The following HNF1B variants were observed in gnomAD, a reference collection of about 807,000 sequenced individuals.
HNF1B encodes hepatocyte nuclear factor 1-beta.
A neutral mutation model predicts 61.7 loss-of-function variants in HNF1B; 8 were observed. The observed-to-expected ratio is 0.13, with a 90% CI of 0.08 to 0.23. The LOEUF (loss-of-function observed/expected upper bound fraction) is 0.23, where lower values mean the gene tolerates loss of function less well. HNF1B is among the 10% of genes least tolerant of loss of function. HNF1B has a pLI of 1.00. For missense variants in HNF1B, 562 were observed against 714.5 expected, an observed-to-expected ratio of 0.79 and a Z score of 2.43; for synonymous variants, 314 against 287.7, an observed-to-expected ratio of 1.09 and a Z score of -0.93.
chr17:37,708,603 C>T (rs2032829322), intron 5 of HNF1B, among the ~76,000 whole-genome samples: 1 of 152,232 alleles, frequency 6.6e-6, no homozygotes, highest in Non-Finnish European at 1.5e-5. Flanking sequence ...TTCCGTAAGG[C>T]ACCCTTCTCC....
chr17:37,695,479 C>T (rs1329750980), intron 8 of HNF1B, among the ~76,000 whole-genome samples: 1 of 152,226 alleles, frequency 6.6e-6, no homozygotes, highest in Non-Finnish European at 1.5e-5. Context: ...CCCCACCCGC[C>T]CCACACACAG....
At chr17:37,743,403 C>T (rs2034061895) in intron 1 of HNF1B, among the ~76,000 whole-genome samples, 1 of 152,254 alleles carries the variant, frequency 6.6e-6, no homozygotes, top group Non-Finnish European at 1.5e-5. Flanking sequence ...AACCTCAAAC[C>T]TATGAATTAT....
At chr17:37,738,730 G>GA (rs902450896) in intron 2 of HNF1B, among the ~76,000 whole-genome samples, 1 of 152,064 alleles carries the variant, frequency 6.6e-6, no homozygotes, top group Non-Finnish European at 1.5e-5. Context: ...TCTTGGGACA[G>GA]AAAAAAAACT....
intron 8 of HNF1B, among the ~76,000 whole-genome samples, chr17:37,691,443 G>A (rs939493769): frequency 6.6e-6 from 1 of 152,144 alleles, no homozygotes; most frequent in East Asian, 1.9e-4. Flanking sequence ...CCCTATGTAA[G>A]AGCACTTCTT....
intron 4 of HNF1B, among the ~76,000 whole-genome samples, chr17:37,728,073 C>T (rs2033562152): frequency 6.6e-6 from 1 of 151,992 alleles, no homozygotes. Context: ...CGGCTCACTG[C>T]AACCTCCACT....
At chr17:37,727,103 TTCC>T (rs369014886) in intron 4 of HNF1B, among the ~76,000 whole-genome samples, 15 of 152,002 alleles carry the variant, frequency 9.9e-5, no homozygotes, top group African/African-American at 2.7e-4. Context: ...CCGCGCCAAC[TTCC>T]TCCTCCTCCT....
intron 4 of HNF1B, chr17:37,730,554 T>C (rs45595039): frequency 0.018 from 2,788 of 151,924 alleles, 28 homozygotes; most frequent in Non-Finnish European, 0.031. Context: ...ACCCAGCTGA[T>C]GGCTCCGAGC....
chr17:37,689,999 G>A (rs1438882743), intron 8 of HNF1B, among the ~76,000 whole-genome samples: 4 of 77,036 alleles, frequency 5.2e-5, no homozygotes, highest in African/African-American at 2.2e-4. Flanking sequence ...GTAAACAAAT[G>A]CGTGCACACA....
rs1568638269 is a variant in HNF1B, at chr17:37,701,057, ATGAGGGGCTGCTGGT to A, written c.1445_1459del (p.His482_Met487delinsLeu). The A allele has an allele frequency of 6.4e-7, 1 of 1,555,382 alleles. No homozygotes were observed. Among genetic ancestry groups the A allele is most frequent in the Admixed American group, 1.9e-5 (1 of 51,598 alleles). On this transcript the variant is annotated inframe_deletion, in exon 7 of 9. Coordinates refer to ENST00000617811, the MANE Select transcript of HNF1B (RefSeq NM_000458.4). ...CATGTGGCTGCCTGGGCTCTGCTGC[ATGAGGGGCTGCTGGT>A]GAGGGCTGTGCAGCTGCTGGGAGAA...
At chr17:37,707,548 A>G (rs927778401) in intron 5 of HNF1B, among the ~76,000 whole-genome samples, 1 of 152,156 alleles carries the variant, frequency 6.6e-6, no homozygotes, top group Admixed American at 6.6e-5. Context: ...TCTCTTCACT[A>G]TGCTAGGTTC....
intron 1 of HNF1B, 152 bp downstream of exon 1, chr17:37,744,389 T>C (rs1313869393): frequency 2.7e-6 from 2 of 747,342 alleles, no homozygotes; most frequent in African/African-American, 3.5e-5. Flanking sequence ...TTGGGAAGGG[T>C]CCGGGTGTTG....
At chr17:37,708,475 T>C (rs1185494317) in intron 5 of HNF1B, among the ~76,000 whole-genome samples, 1 of 152,122 alleles carries the variant, frequency 6.6e-6, no homozygotes, top group Non-Finnish European at 1.5e-5. Context: ...CTGGCCTGGG[T>C]GAGGCAGCTT....
chr17:37,711,207 C>T (rs2032925363), intron 4 of HNF1B, among the ~76,000 whole-genome samples: 1 of 152,230 alleles, frequency 6.6e-6, no homozygotes, highest in African/African-American at 2.4e-5. Flanking sequence ...CTGTGTACCA[C>T]CTTTGTGGCC....
At chr17:37,713,390 C>T (rs2033000532) in intron 4 of HNF1B, among the ~76,000 whole-genome samples, 1 of 152,198 alleles carries the variant, frequency 6.6e-6, no homozygotes, top group Admixed American at 6.5e-5. Context: ...CCGCAGGAAA[C>T]AAAAGGCTTC....
intron 5 of HNF1B, among the ~76,000 whole-genome samples, chr17:37,707,755 G>C (rs2032798313): frequency 6.6e-6 from 1 of 150,860 alleles, no homozygotes; most frequent in African/African-American, 2.4e-5. Context: ...TATGTGCTTT[G>C]CTTTGTTCTC....
chr17:37,731,372 A>G (rs1196018139), intron 4 of HNF1B: 1 of 662,202 alleles, frequency 1.5e-6, no homozygotes, highest in African/African-American at 1.8e-5. Context: ...GGCTCCCTGG[A>G]AGCCGAGTGA....
chr17:37,738,467 T>C lies in HNF1B; in HGVS notation c.544+973A>G, dbSNP rs535557435. 3.3e-5 allele frequency among the ~76,000 whole-genome samples: 5 copies of C among 152,110 alleles called. No individual in the cohort carries two copies. In the Middle Eastern group the frequency reaches 0.01, roughly 310 times the overall value. The stretch of plus-strand genomic sequence containing the variant: ...AAACCCAACCCAGAAACCCAGATAG[T>C]GGTGGAAATTAACATCTTGATAAAG... On this transcript the variant is annotated intron_variant, in intron 2 of 8. Transcript: ENST00000617811.
intron 8 of HNF1B, among the ~76,000 whole-genome samples, chr17:37,688,526 A>C (rs1436843822): frequency 1.3e-5 from 2 of 152,152 alleles, no homozygotes; most frequent in Non-Finnish European, 2.9e-5. Flanking sequence ...CAAATTAGGA[A>C]AACAAGGCTA....
At chr17:37,720,912 G>A (rs931539127) in intron 4 of HNF1B, 43 of 985,380 alleles carry the variant, frequency 4.4e-5, no homozygotes, top group Middle Eastern at 5.2e-4. Context: ...GAAGAAGAAC[G>A]GCCGCTCATT....
Sources: gnomAD v4.1 joint callset for allele counts (sites outside exome capture counted in the v4.1 genomes callset) on GRCh38, gnomAD v4.1.1 for gene constraint, MANE v1.5 for transcripts, NCBI Gene and HGNC (gene_info 2026-07-23, HGNC 2026-07-21) for gene names.